The following ARHGEF33 variants were observed in gnomAD, a reference collection of about 807,000 sequenced individuals.
The protein encoded by ARHGEF33 is DH and coiled-coil domain-containing protein ENSP00000381780.
Under a neutral mutation model 101.9 loss-of-function variants are expected in ARHGEF33, and 72 were observed. That is an observed-to-expected ratio of 0.71 (90% CI 0.58 to 0.86). The LOEUF (loss-of-function observed/expected upper bound fraction) is 0.86, where lower values mean the gene tolerates loss of function less well. Ranked by LOEUF, ARHGEF33 falls within the 40% of genes least tolerant of loss-of-function variation. The pLI, the probability that ARHGEF33 is intolerant of heterozygous loss-of-function variation, is 0.00. For synonymous variants in ARHGEF33, 499 were observed against 442.5 expected, an observed-to-expected ratio of 1.13 and a Z score of -1.60; for missense variants, 1,169 against 1,111.3, an observed-to-expected ratio of 1.05 and a Z score of -0.74.
chr2:38,923,355 G>A (rs1250520558), intron 4 of ARHGEF33, among the ~76,000 whole-genome samples: 1 of 152,144 alleles, frequency 6.6e-6, no homozygotes, highest in African/African-American at 2.4e-5. Flanking sequence ...GAAAGAGAAA[G>A]GAGGGAAGCT....
rs184206434 is a variant in ARHGEF33, at chr2:38,914,431, G to T, written c.-85-4932G>T. ...GCCTGTAATCCCAGTACTTTGGGAG[G>T]CTGAGCCAAGCGGATCACCTGAAGT... is the stretch of plus-strand genomic sequence containing the variant. On this transcript the variant is annotated intron_variant, in intron 2 of 17. Coordinates refer to ENST00000409978, the MANE Select transcript of ARHGEF33 (RefSeq NM_001145451.5). Among the ~76,000 whole-genome samples the T allele has an allele frequency of 7.2e-5, 11 of 152,276 alleles. No homozygotes were observed. In the East Asian group the frequency reaches 2.1e-3, roughly 29 times the overall value.
intron 15 of ARHGEF33, chr2:38,959,630 A>G (rs1030273803): frequency 3.9e-4 from 204 of 523,852 alleles, no homozygotes; most frequent in Non-Finnish European, 5.1e-4. Context: ...AGCTCAGACA[A>G]TACCTTCGGG....
chr2:38,968,647 A>G (rs948377083), intron 17 of ARHGEF33, among the ~76,000 whole-genome samples: 2 of 152,188 alleles, frequency 1.3e-5, no homozygotes, highest in African/African-American at 2.4e-5. Flanking sequence ...GTCCTTTCTC[A>G]TAGATCAGTC....
intron 16 of ARHGEF33, 70 bp from the exon 17 acceptor site, chr2:38,965,936 T>G (rs1252160061): frequency 6.6e-7 from 1 of 1,517,952 alleles, no homozygotes; most frequent in East Asian, 2.5e-5. Flanking sequence ...ACCACAAAAT[T>G]GTCCCATAGT....
rs1667891983 is a variant in ARHGEF33 at position 38,960,377 on chromosome 2, AACTGGAGGCGGCGGCGCAGGC to A, written c.2073_2093del (p.Leu692_Ala698del). The A allele has an allele frequency of 2.0e-6, 3 of 1,520,902 alleles. No homozygotes were observed. Among genetic ancestry groups the A allele is most frequent in the Non-Finnish European group, 2.6e-6 (3 of 1,139,360 alleles). The allele number at this position is 1,520,902 out of a possible 1,614,324, so 94.2% of individuals were successfully genotyped here. A position where few individuals can be genotyped will look rare whatever the true frequency, so the allele number is the denominator to read the frequency against. On this transcript the variant is annotated inframe_deletion, in exon 16 of 18. Coordinates refer to ENST00000409978, the MANE Select transcript of ARHGEF33 (RefSeq NM_001145451.5). ...CCGGCGGGCAGCAGCAGCGCCTACA[AACTGGAGGCGGCGGCGCAGGC>A]GCACGGCAAGGCCAAGCCGCTGAGC...
At chr2:38,896,018 T>C (rs953137419) in intron 2 of ARHGEF33, among the ~76,000 whole-genome samples, 169 bp downstream of exon 2, 1 of 152,370 alleles carries the variant, frequency 6.6e-6, no homozygotes, top group African/African-American at 2.4e-5. Flanking sequence ...TGAGATTACT[T>C]AATTAGCTAG....
intron 2 of ARHGEF33, among the ~76,000 whole-genome samples, chr2:38,911,157 G>A (rs1028102826): frequency 6.6e-6 from 1 of 152,030 alleles, no homozygotes; most frequent in African/African-American, 2.4e-5. Context: ...GAAAAAAAAA[G>A]CAAATAGCCC....
Position 38,954,427 on chromosome 2 carries a change from C to A in ARHGEF33, c.1192C>A (p.Arg398Ser). The A allele has an allele frequency of 6.4e-7, 1 of 1,550,686 alleles. No individual in the cohort carries two copies. Among genetic ancestry groups the A allele is most frequent in the Non-Finnish European group, 8.7e-7 (1 of 1,146,134 alleles). Residue 398 changes from arginine (R) to serine (S), a missense_variant, in exon 13 of 18, where the codon CGC (arginine) becomes AGC (serine). Arg to Ser is a moderately radical substitution (Grantham distance 110). Coordinates refer to ENST00000409978, the MANE Select transcript of ARHGEF33 (RefSeq NM_001145451.5). ...CACGTTGTTTTTTCACATAGTCCAG[C>A]GCATCCCTGAATATCTGATACATCT... ...IYTLFFHIVQRIPEYLIHLQN... is the reference protein window; with the variant it reads ...IYTLFFHIVQSIPEYLIHLQN...
intron 16 of ARHGEF33, 114 bp downstream of exon 16, chr2:38,960,762 G>T: frequency 4.4e-6 from 4 of 905,840 alleles, no homozygotes; most frequent in Non-Finnish European, 5.5e-6. Context: ...CAGGCTAGGG[G>T]GCGGCTGCGC....
At chr2:38,895,108 A>C (rs1055781240) in intron 1 of ARHGEF33, among the ~76,000 whole-genome samples, 1 of 152,146 alleles carries the variant, frequency 6.6e-6, no homozygotes, top group African/African-American at 2.4e-5. Flanking sequence ...CCCTCCCTCC[A>C]GGCTTCGTGT....
intron 17 of ARHGEF33, among the ~76,000 whole-genome samples, chr2:38,968,218 C>T (rs1668093671): frequency 1.3e-5 from 2 of 152,140 alleles, no homozygotes; most frequent in South Asian, 2.1e-4. Flanking sequence ...AATGCAGCTG[C>T]GTGGAACTGG....
intron 16 of ARHGEF33, among the ~76,000 whole-genome samples, chr2:38,962,637 A>G (rs567340311): frequency 2.6e-5 from 4 of 152,204 alleles, no homozygotes; most frequent in Admixed American, 2.0e-4. Flanking sequence ...TTCTCTAGCA[A>G]TATCATTAAA....
chr2:38,895,800 A>T lies in ARHGEF33; in HGVS notation c.-135A>T, dbSNP rs6706091. 6.6e-5 allele frequency: 10 copies of T among 151,136 alleles called. No homozygotes were observed. Among genetic ancestry groups the T allele is most frequent in the Admixed American group, 3.3e-4 (5 of 15,202 alleles). The allele number at this position is 151,136 out of a possible 1,614,324, so 9.4% of individuals were successfully genotyped here. On this transcript the variant is annotated 5_prime_UTR_variant, in exon 2 of 18. It adds an upstream start codon to the 5' untranslated region. Transcript: ENST00000409978. Reference sequence around the variant, plus strand: ...AGAACTTCTAGAGAAAACAAGAAGAAGACTTCAAAAAACATGCTGTGATGT... The same window carrying T: ...AGAACTTCTAGAGAAAACAAGAAGATGACTTCAAAAAACATGCTGTGATGT...
chr2:38,933,187 T>G (rs751226832), intron 7 of ARHGEF33, among the ~76,000 whole-genome samples: 1 of 152,170 alleles, frequency 6.6e-6, no homozygotes, highest in Non-Finnish European at 1.5e-5. Flanking sequence ...GTGCTGGCCA[T>G]GGCTGTCATC....
chr2:38,933,316 C>T (rs139535940), intron 7 of ARHGEF33, among the ~76,000 whole-genome samples: 1 of 152,258 alleles, frequency 6.6e-6, no homozygotes, highest in East Asian at 1.9e-4. Context: ...TGGCAGCTAG[C>T]TTCTCCCAGG....
chr2:38,953,553 G>A (rs556179177), intron 12 of ARHGEF33, among the ~76,000 whole-genome samples: 1 of 152,234 alleles, frequency 6.6e-6, no homozygotes, highest in South Asian at 2.1e-4. Context: ...TATGTGGTGG[G>A]TTTTTTTCCA....
intron 17 of ARHGEF33, among the ~76,000 whole-genome samples, chr2:38,966,482 A>C (rs1295961646): frequency 6.6e-6 from 1 of 152,102 alleles, no homozygotes; most frequent in Non-Finnish European, 1.5e-5. Context: ...GAGGAGTGGG[A>C]TCCACTATTG....
intron 1 of ARHGEF33, among the ~76,000 whole-genome samples, chr2:38,893,685 C>A (rs1471498283): frequency 6.6e-6 from 1 of 152,182 alleles, no homozygotes; most frequent in Admixed American, 6.5e-5. Flanking sequence ...ACAATGGCAT[C>A]CTTTCATTTC....
At chr2:38,912,741 G>C (rs1289375189) in intron 2 of ARHGEF33, among the ~76,000 whole-genome samples, 1 of 152,122 alleles carries the variant, frequency 6.6e-6, no homozygotes, top group Non-Finnish European at 1.5e-5. Flanking sequence ...AGTAATAAAT[G>C]AAAGAACCAG....
Sources: allele counts gnomAD v4.1 joint callset (sites outside exome capture counted in the v4.1 genomes callset), GRCh38; gene constraint gnomAD v4.1.1; transcripts MANE v1.5; gene names NCBI Gene and HGNC (gene_info 2026-07-23, HGNC 2026-07-21).